SENP1: variants seen among roughly 807,000 people sequenced by gnomAD.
SENP1 encodes SUMO specific peptidase 1.
SENP1 carries 21 observed loss-of-function variants against 93.0 expected under a neutral mutation model. The observed-to-expected ratio is 0.23, with a 90% CI of 0.16 to 0.33. SENP1 has a LOEUF of 0.33. Ranked by LOEUF, SENP1 falls within the 10% of genes least tolerant of loss-of-function variation. The pLI, the probability that SENP1 is intolerant of heterozygous loss-of-function variation, is 1.00. For synonymous variants in SENP1, 256 were observed against 259.6 expected, an observed-to-expected ratio of 0.99 and a Z score of 0.13; for missense variants, 591 against 758.7, an observed-to-expected ratio of 0.78 and a Z score of 2.60.
chr12:48,085,849 A>G (rs1345374908), intron 5 of SENP1, among the ~76,000 whole-genome samples: 1 of 152,170 alleles, frequency 6.6e-6, no homozygotes, highest in Non-Finnish European at 1.5e-5. Context: ...TGTTTGGTAA[A>G]GACATGATGG....
At chr12:48,086,175 A>G (rs951459823) in intron 5 of SENP1, among the ~76,000 whole-genome samples, 1 of 152,234 alleles carries the variant, frequency 6.6e-6, no homozygotes, top group African/African-American at 2.4e-5. Flanking sequence ...TGAAGTGTCT[A>G]TTTTACAAAA....
intron 13 of SENP1, among the ~76,000 whole-genome samples, chr12:48,050,566 C>A (rs956784168): frequency 1.3e-5 from 2 of 152,184 alleles, no homozygotes; most frequent in African/African-American, 2.4e-5. Context: ...TAGTGTGATG[C>A]CCAATAGATA....
chr12:48,084,199 G>C (rs1270835966), intron 5 of SENP1, among the ~76,000 whole-genome samples: 1 of 152,124 alleles, frequency 6.6e-6, no homozygotes, highest in Non-Finnish European at 1.5e-5. Flanking sequence ...AATGCATAAA[G>C]GCTGAAGCCT....
intron 1 of SENP1, among the ~76,000 whole-genome samples, chr12:48,102,927 C>T (rs1484987228): frequency 6.6e-6 from 1 of 151,918 alleles, no homozygotes; most frequent in Admixed American, 6.6e-5. Flanking sequence ...TAGATTTATG[C>T]TTCAAATATA....
intron 13 of SENP1, among the ~76,000 whole-genome samples, chr12:48,054,114 TG>T (rs1393763756): frequency 6.6e-6 from 1 of 152,212 alleles, no homozygotes; most frequent in Admixed American, 6.5e-5. Flanking sequence ...GAAGTGTTCC[TG>T]GTGTACAAAC....
intron 8 of SENP1, among the ~76,000 whole-genome samples, chr12:48,072,566 C>A (rs1943780229): frequency 6.6e-6 from 1 of 152,088 alleles, no homozygotes; most frequent in African/African-American, 2.4e-5. Flanking sequence ...TGCAGTGAAC[C>A]AAGATGGTCC....
At chr12:48,048,134 T>C in intron 14 of SENP1, 54 bp from the exon 15 acceptor site, 1 of 1,246,160 alleles carries the variant, frequency 8.0e-7, no homozygotes, top group East Asian at 2.3e-5. Context: ...AATCGGTTTA[T>C]CAGTTTTTCC....
chr12:48,056,730 A>G lies in SENP1; in HGVS notation c.1407+6980T>C, dbSNP rs551929889. On this transcript the variant is annotated intron_variant, in intron 13 of 17. Coordinates refer to ENST00000549518, the MANE Select transcript of SENP1 (RefSeq NM_001267594.2). ...TACATATTACATATATAAATATATT[A>G]TTTAATATATTACATATTACATATA... Among the ~76,000 whole-genome samples, 128 of 67,614 alleles carry G rather than the reference A, an allele frequency of 1.9e-3. 2 individuals carry two copies. Among genetic ancestry groups the G allele is most frequent in the African/African-American group, 8.1e-3 (121 of 14,890 alleles). 44.4% of individuals were successfully genotyped at this position (67,614 alleles called of 152,430 possible).
Position 48,045,355 on chromosome 12 carries a change from C to G in SENP1, c.1902G>C (p.Met634Ile). ...QQHMPYFRKR[M>I]VWEILHRKLL The stretch of plus-strand genomic sequence containing the variant: ...GTTTTCGGTGGAGGATCTCCCAGAC[C>G]ATCCGCTTCCGGAAGTATGGCATGT... Residue 634 changes from methionine (M) to isoleucine (I), a missense_variant, in exon 18 of 18, where the codon ATG becomes ATC. Physicochemically the swap from Met to Ile is conservative, Grantham distance 10. Coordinates refer to ENST00000549518, the MANE Select transcript of SENP1 (RefSeq NM_001267594.2). 2.5e-6 allele frequency: 4 copies of G among 1,613,676 alleles called. No individual in the cohort carries two copies. The highest frequency in any genetic ancestry group is 3.4e-6 in the Non-Finnish European group (4 of 1,179,736).
intron 10 of SENP1, among the ~76,000 whole-genome samples, chr12:48,066,427 A>G (rs1438297495): frequency 6.6e-6 from 1 of 152,324 alleles, no homozygotes; most frequent in African/African-American, 2.4e-5. Flanking sequence ...AACAATTGTT[A>G]TAGATTTAAT....
intron 3 of SENP1, among the ~76,000 whole-genome samples, chr12:48,096,923 T>C (rs528726560): frequency 2.6e-5 from 4 of 152,184 alleles, no homozygotes; most frequent in East Asian, 1.9e-4. Context: ...ATGGACAACA[T>C]GGAGAGACCC....
At position 48,103,718 on chromosome 12, in the gene SENP1, T is replaced by C. The variant is rs1946120896; in HGVS notation, c.-44-2202A>G. On this transcript the variant is annotated intron_variant, in intron 1 of 17. Transcript: ENST00000549518. Reference sequence around the variant, plus strand: ...TTCATTTCCTAGTATACACTGGTCATGTAATTTACTGAAAGAACATAAGCT... The same window carrying C: ...TTCATTTCCTAGTATACACTGGTCACGTAATTTACTGAAAGAACATAAGCT... 2.0e-5 allele frequency among the ~76,000 whole-genome samples: 3 copies of C among 152,328 alleles called. No homozygotes were observed. The South Asian group carries it at 6.2e-4, about 32-fold the overall frequency.
At position 48,046,470 on chromosome 12, in the gene SENP1, A is replaced by C; in HGVS notation, c.1777-19T>G. ...GAATCTCCTGGAAGACCAACAACAA[A>C]AAAAATGACATCTTTCCAAGCTTCT... is the stretch of plus-strand genomic sequence containing the variant. On this transcript the variant is annotated intron_variant, in intron 16 of 17. Coordinates refer to ENST00000549518, the MANE Select transcript of SENP1 (RefSeq NM_001267594.2). 4.7e-6 allele frequency: 7 copies of C among 1,495,882 alleles called. No homozygotes were observed. Among genetic ancestry groups the C allele is most frequent in the Non-Finnish European group, 6.5e-6 (7 of 1,072,528 alleles). The allele number at this position is 1,495,882 out of a possible 1,614,324, so 92.7% of individuals were successfully genotyped here. A position where few individuals can be genotyped will look rare whatever the true frequency, so the allele number is the denominator to read the frequency against.
intron 6 of SENP1, among the ~76,000 whole-genome samples, chr12:48,080,666 G>A (rs766455999): frequency 2.6e-4 from 39 of 152,080 alleles, no homozygotes; most frequent in Admixed American, 2.4e-3. Flanking sequence ...TATTATATCC[G>A]AATTATTTGT....
chr12:48,085,198 A>G (rs1565791858), intron 5 of SENP1: 18 of 1,487,600 alleles, frequency 1.2e-5, no homozygotes, highest in Middle Eastern at 3.4e-4. Flanking sequence ...ACGACCATCA[A>G]TGAGATCGAA....
At position 48,071,403 on chromosome 12, in the gene SENP1, G is replaced by A. The variant is rs912848093; in HGVS notation, c.995+264C>T. ...GGCCGAGGCAGGTGGATCACTTGAG[G>A]TCAGGAGTTCGAGACCAGCCTGGCC... On this transcript the variant is annotated intron_variant, in intron 9 of 17. Coordinates refer to ENST00000549518, the MANE Select transcript of SENP1 (RefSeq NM_001267594.2). 3.3e-5 allele frequency among the ~76,000 whole-genome samples: 5 copies of A among 152,220 alleles called. No individual in the cohort carries two copies. In the East Asian group the frequency reaches 9.6e-4, roughly 29 times the overall value.
At chr12:48,087,001 T>G (rs1592437056) in intron 5 of SENP1, among the ~76,000 whole-genome samples, 1 of 152,224 alleles carries the variant, frequency 6.6e-6, no homozygotes, top group East Asian at 1.9e-4. Context: ...ATCACACCAC[T>G]GCATTCCAGC....
At chr12:48,085,437 A>G in intron 5 of SENP1, 1 of 895,680 alleles carries the variant, frequency 1.1e-6, no homozygotes, top group Non-Finnish European at 1.7e-6. Flanking sequence ...TTGTGTGAGG[A>G]CTCCTCACAG....
At chr12:48,076,866 C>T (rs1045576044) in intron 6 of SENP1, among the ~76,000 whole-genome samples, 10 of 151,350 alleles carry the variant, frequency 6.6e-5, no homozygotes, top group Admixed American at 2.6e-4. Flanking sequence ...ACAATGGTCT[C>T]GATCTCCTGA....
Sources: gnomAD v4.1 joint callset for allele counts (sites outside exome capture counted in the v4.1 genomes callset) on GRCh38, gnomAD v4.1.1 for gene constraint, MANE v1.5 for transcripts, NCBI Gene and HGNC (gene_info 2026-07-23, HGNC 2026-07-21) for gene names.